The following GBE1 variants were observed in gnomAD, a reference collection of about 807,000 sequenced individuals.
The protein encoded by GBE1 is 1,4-alpha-glucan-branching enzyme.
A neutral mutation model predicts 88.8 loss-of-function variants in GBE1; 70 were observed. That is an observed-to-expected ratio of 0.79 (90% CI 0.65 to 0.96). The LOEUF is 0.96. Among genes scored for constraint, GBE1 ranks in the 40% least tolerant of loss-of-function variants. GBE1 has a pLI of 0.00. For missense variants in GBE1, 872 were observed against 871.0 expected, an observed-to-expected ratio of 1.00 and a Z score of -0.01; for synonymous variants, 284 against 300.1, an observed-to-expected ratio of 0.95 and a Z score of 0.56.
chr3:81,742,482 A>G (rs1293667237), intron 1 of GBE1, among the ~76,000 whole-genome samples: 1 of 152,162 alleles, frequency 6.6e-6, no homozygotes, highest in Non-Finnish European at 1.5e-5. Flanking sequence ...CCTTAGTAAT[A>G]AAAATGAAAT....
chr3:81,669,277 A>G (rs1416469935), intron 3 of GBE1, among the ~76,000 whole-genome samples: 3 of 152,220 alleles, frequency 2.0e-5, no homozygotes, highest in African/African-American at 7.2e-5. Context: ...GTAAAAACTC[A>G]GTAAAGTTAA....
At chr3:81,659,324 C>T (rs1704989106) in intron 3 of GBE1, among the ~76,000 whole-genome samples, 1 of 151,424 alleles carries the variant, frequency 6.6e-6, no homozygotes, top group South Asian at 2.1e-4. Context: ...CCTAAGCAAT[C>T]ATTCTTTTTT....
chr3:81,537,288 G>A lies in GBE1; in HGVS notation c.1619-193C>T, dbSNP rs2307058. On this transcript the variant is annotated intron_variant, in intron 12 of 15. Coordinates refer to ENST00000429644, the MANE Select transcript of GBE1 (RefSeq NM_000158.4). ...GTCTAGCACAGGAAGTACCACCTTT[G>A]GACTCAGAAGCCCAGGGTCCAGCTT... Among the ~76,000 whole-genome samples the A allele has an allele frequency of 0.29, 43,841 of 151,806 alleles. 6,523 individuals are homozygous for A. Among genetic ancestry groups the A allele is most frequent in the East Asian group, 0.44 (2,246 of 5,128 alleles).
intron 1 of GBE1, among the ~76,000 whole-genome samples, chr3:81,728,691 AAAAG>A (rs1324885350): frequency 1.3e-5 from 2 of 152,168 alleles, no homozygotes; most frequent in African/African-American, 2.4e-5. Context: ...AAGAAAAGGA[AAAAG>A]AAAGAAAAAT....
At chr3:81,523,820 T>C (rs992571065) in intron 14 of GBE1, among the ~76,000 whole-genome samples, 3 of 151,892 alleles carry the variant, frequency 2.0e-5, no homozygotes, top group East Asian at 3.9e-4. Flanking sequence ...TTGTTGCAAA[T>C]AACAAGATCT....
intron 12 of GBE1, among the ~76,000 whole-genome samples, chr3:81,573,244 G>T (rs146473802): frequency 1.3e-5 from 2 of 152,058 alleles, no homozygotes; most frequent in African/African-American, 4.8e-5. Flanking sequence ...TTAGGCCCCA[G>T]TTTTTTTCAT....
chr3:81,746,199 T>C (rs1314677692), intron 1 of GBE1, among the ~76,000 whole-genome samples: 1 of 152,198 alleles, frequency 6.6e-6, no homozygotes, highest in Non-Finnish European at 1.5e-5. Context: ...GCAATCGTTT[T>C]CATAATGTAG....
chr3:81,492,823 C>T (rs1381318402), intron 15 of GBE1, among the ~76,000 whole-genome samples: 5 of 151,506 alleles, frequency 3.3e-5, no homozygotes, highest in Non-Finnish European at 5.9e-5. Flanking sequence ...CTGCAATCTC[C>T]GCCTCCCAGG....
intron 5 of GBE1, among the ~76,000 whole-genome samples, chr3:81,647,249 C>T (rs376781655): frequency 8.7e-4 from 132 of 152,224 alleles, no homozygotes; most frequent in African/African-American, 2.8e-3. Flanking sequence ...TGAGCCACCG[C>T]GCCCAGCCTG....
intron 3 of GBE1, among the ~76,000 whole-genome samples, chr3:81,660,260 G>T (rs753670750): frequency 2.0e-5 from 3 of 152,234 alleles, no homozygotes; most frequent in East Asian, 3.9e-4. Context: ...AGGCACTAGA[G>T]GTGGAAACAG....
rs1186214674 is a variant in GBE1 at position 81,761,634 on chromosome 3, C to T, written c.-117G>A. 8.0e-7 allele frequency: 1 copy of T among 1,249,052 alleles called. No homozygotes were observed. The highest frequency in any genetic ancestry group is 1.1e-6 in the Non-Finnish European group (1 of 927,670). The allele number at this position is 1,249,052 out of a possible 1,614,324, so 77.4% of individuals were successfully genotyped here. On this transcript the variant is annotated 5_prime_UTR_variant, in exon 1 of 16. Transcript: ENST00000429644. ...GGAGCCGGAGGGCGCCTAGGCGTGT[C>T]GAGGCAAGCCGAGGCGAGCCGCGGC...
chr3:81,629,474 C>T (rs9838088), intron 7 of GBE1, among the ~76,000 whole-genome samples: 94,570 of 151,918 alleles, frequency 0.62, 30,981 homozygotes, highest in East Asian at 0.94. Flanking sequence ...ATAAAACATA[C>T]ACTTTTTTAG....
chr3:81,643,844 T>C (rs1240505638), intron 6 of GBE1, among the ~76,000 whole-genome samples: 1 of 152,158 alleles, frequency 6.6e-6, no homozygotes, highest in Non-Finnish European at 1.5e-5. Context: ...AATAAGATCA[T>C]GTTACCTACT....
chr3:81,734,495 A>G (rs1706230300), intron 1 of GBE1, among the ~76,000 whole-genome samples: 1 of 152,220 alleles, frequency 6.6e-6, no homozygotes, highest in Non-Finnish European at 1.5e-5. Context: ...TACCAACTTT[A>G]AAGCACAGAG....
chr3:81,682,094 AT>A (rs1444197080), intron 2 of GBE1, among the ~76,000 whole-genome samples: 4 of 152,214 alleles, frequency 2.6e-5, no homozygotes, highest in African/African-American at 9.6e-5. Flanking sequence ...AGACAACCCA[AT>A]TTTTAAAATG....
chr3:81,743,234 CTGAT>C (rs2107222163), intron 1 of GBE1, among the ~76,000 whole-genome samples: 1 of 152,244 alleles, frequency 6.6e-6, no homozygotes, highest in African/African-American at 2.4e-5. Flanking sequence ...AAGAATGTGA[CTGAT>C]TGCTCATGAA....
intron 12 of GBE1, among the ~76,000 whole-genome samples, chr3:81,568,423 A>T (rs78840927): frequency 2.6e-5 from 4 of 152,044 alleles, no homozygotes; most frequent in African/African-American, 9.7e-5. Context: ...TGTGTTCTCA[A>T]TTTTAACAAT....
At chr3:81,573,771 C>G (rs62265429) in intron 12 of GBE1, among the ~76,000 whole-genome samples, 14 of 88,952 alleles carry the variant, frequency 1.6e-4, no homozygotes, top group African/African-American at 6.6e-4. Flanking sequence ...CTCTCTCTCT[C>G]TCTCTGTGTG....
At chr3:81,595,767 C>A (rs1158703669) in intron 7 of GBE1, among the ~76,000 whole-genome samples, 1 of 151,902 alleles carries the variant, frequency 6.6e-6, no homozygotes, top group Non-Finnish European at 1.5e-5. Flanking sequence ...CTATTCTACT[C>A]TTGACCAAAA....
Sources: allele counts gnomAD v4.1 joint callset (sites outside exome capture counted in the v4.1 genomes callset), GRCh38; gene constraint gnomAD v4.1.1; transcripts MANE v1.5; gene names NCBI Gene and HGNC (gene_info 2026-07-23, HGNC 2026-07-21).